The following RHOBTB1 variants were observed in gnomAD, a reference collection of about 807,000 sequenced individuals.
RHOBTB1 encodes the protein Rho related BTB domain containing 1.
A neutral mutation model predicts 71.6 loss-of-function variants in RHOBTB1; 40 were observed. The observed-to-expected ratio is 0.56, with a 90% CI of 0.43 to 0.73. RHOBTB1 has a LOEUF of 0.73. Ranked by LOEUF, RHOBTB1 falls within the 30% of genes least tolerant of loss-of-function variation. The pLI is 0.00. For synonymous variants in RHOBTB1, 319 were observed against 334.9 expected, an observed-to-expected ratio of 0.95 and a Z score of 0.52; for missense variants, 797 against 894.0, an observed-to-expected ratio of 0.89 and a Z score of 1.38.
chr10:60,986,933 AAGG>A (rs1345545147), intron 1 of RHOBTB1, among the ~76,000 whole-genome samples: 2 of 152,114 alleles, frequency 1.3e-5, no homozygotes, highest in African/African-American at 4.8e-5. Flanking sequence ...TCTCAACAGT[AAGG>A]AGGAGTTTCT....
intron 1 of RHOBTB1, among the ~76,000 whole-genome samples, chr10:60,991,918 T>G (rs1565209153): frequency 6.6e-6 from 1 of 152,200 alleles, no homozygotes; most frequent in South Asian, 2.1e-4. Flanking sequence ...TGTGTCATTC[T>G]TTTATTGTCT....
chr10:60,900,902 T>C (rs1481784381), intron 4 of RHOBTB1, among the ~76,000 whole-genome samples: 1 of 152,168 alleles, frequency 6.6e-6, no homozygotes. Context: ...CTCTAAAAAA[T>C]CTCTTTACCC....
intron 2 of RHOBTB1, among the ~76,000 whole-genome samples, chr10:60,979,370 A>G (rs1565181204): frequency 6.6e-6 from 1 of 152,180 alleles, no homozygotes; most frequent in Non-Finnish European, 1.5e-5. Flanking sequence ...ACCTAGTTAA[A>G]GTTTATCAAT....
intron 2 of RHOBTB1, among the ~76,000 whole-genome samples, chr10:60,938,676 C>T (rs879804908): frequency 3.3e-5 from 5 of 152,096 alleles, no homozygotes; most frequent in Admixed American, 6.5e-5. Flanking sequence ...TTCTATACTC[C>T]GACATCTGCA....
chr10:60,896,816 A>C (rs1336283041), intron 4 of RHOBTB1, among the ~76,000 whole-genome samples: 1 of 152,214 alleles, frequency 6.6e-6, no homozygotes, highest in East Asian at 1.9e-4. Context: ...CAAATCAAAA[A>C]CAATCTGAAA....
At chr10:60,949,205 C>T (rs2085333066) in intron 2 of RHOBTB1, among the ~76,000 whole-genome samples, 2 of 152,202 alleles carry the variant, frequency 1.3e-5, no homozygotes, top group Non-Finnish European at 2.9e-5. Context: ...AGATGCTTCT[C>T]CAAGGTGCTT....
chr10:60,931,937 C>G (rs1257093353), intron 2 of RHOBTB1, among the ~76,000 whole-genome samples: 1 of 152,112 alleles, frequency 6.6e-6, no homozygotes, highest in African/African-American at 2.4e-5. Flanking sequence ...AAAAGGAATA[C>G]TTATGGTAAC....
chr10:60,989,064 CA>C (rs776569882), intron 1 of RHOBTB1, among the ~76,000 whole-genome samples: 14 of 151,988 alleles, frequency 9.2e-5, no homozygotes, highest in Non-Finnish European at 1.6e-4. Flanking sequence ...TTTTTTCAGT[CA>C]AATATCACTG....
intron 2 of RHOBTB1, among the ~76,000 whole-genome samples, chr10:60,971,346 T>G (rs984000273): frequency 2.0e-5 from 3 of 151,284 alleles, no homozygotes; most frequent in Admixed American, 6.6e-5. Flanking sequence ...CCAAAACAGA[T>G]ATATAGACCA....
At chr10:60,930,136 G>C (rs1191263608) in intron 2 of RHOBTB1, among the ~76,000 whole-genome samples, 1 of 152,004 alleles carries the variant, frequency 6.6e-6, no homozygotes, top group Non-Finnish European at 1.5e-5. Flanking sequence ...TTTATAAATG[G>C]GAAATGTTTT....
At position 60,911,458 on chromosome 10, in the gene RHOBTB1, G is replaced by T. The variant is rs777754426; in HGVS notation, c.85C>A (p.Arg29Ser). ...TTGCACGCCCTGGCACAGATCAAGC[G>T]CGTCTTCCCCACGGCATTGTCACCC... The part of the protein sequence containing the change: ...VVGDNAVGKT[R>S]LICARACNTT... The change falls in exon 3 of 11, where the codon CGC becomes AGC. Residue 29 changes from arginine to serine, a missense_variant. Arg to Ser is a moderately radical substitution (Grantham distance 110, BLOSUM62 -1). Coordinates refer to ENST00000337910, the MANE Select transcript of RHOBTB1 (RefSeq NM_014836.5). 3 of 1,614,188 alleles carry T rather than the reference G, an allele frequency of 1.9e-6. No individual in the cohort carries two copies. The highest frequency in any genetic ancestry group is 2.5e-6 in the Non-Finnish European group (3 of 1,180,030).
intron 2 of RHOBTB1, among the ~76,000 whole-genome samples, chr10:60,936,915 T>C (rs543719172): frequency 3.3e-5 from 5 of 152,330 alleles, no homozygotes; most frequent in African/African-American, 7.2e-5. Flanking sequence ...AGCCACTTCA[T>C]AGCACTGGGA....
chr10:60,934,091 T>C (rs2084424245), intron 2 of RHOBTB1, among the ~76,000 whole-genome samples: 1 of 152,166 alleles, frequency 6.6e-6, no homozygotes, highest in Admixed American at 6.5e-5. Context: ...TAAAGAAATT[T>C]TACAAAAAAG....
Position 60,943,991 on chromosome 10 carries a change from GA to G in RHOBTB1, c.-83del, listed in dbSNP as rs895812881. Reference sequence around the variant, plus strand: ...CCTACCCTGAAGCCGAGCGAGACGCGAGCTCTCTCCGCCTTCAAGGGCCGGG... The same window carrying G: ...CCTACCCTGAAGCCGAGCGAGACGCGGCTCTCTCCGCCTTCAAGGGCCGGG... On this transcript the variant is annotated 5_prime_UTR_variant, in exon 1 of 11. Coordinates refer to ENST00000337910, the MANE Select transcript of RHOBTB1 (RefSeq NM_014836.5). 4.6e-5 allele frequency: 7 copies of G among 151,612 alleles called. No individual in the cohort carries two copies. Among genetic ancestry groups the G allele is most frequent in the African/African-American group, 1.7e-4 (7 of 41,316 alleles). The allele number at this position is 151,612 out of a possible 1,614,324, so 9.4% of individuals were successfully genotyped here.
At chr10:60,985,630 T>C (rs533775797) in intron 2 of RHOBTB1, among the ~76,000 whole-genome samples, 300 of 152,238 alleles carry the variant, frequency 2.0e-3, no homozygotes, top group South Asian at 3.5e-3. Flanking sequence ...TGACTCAAAT[T>C]CTAAACCAGA....
At chr10:60,995,459 G>A (rs948036644) in intron 1 of RHOBTB1, among the ~76,000 whole-genome samples, 3 of 152,092 alleles carry the variant, frequency 2.0e-5, no homozygotes, top group African/African-American at 7.2e-5. Flanking sequence ...GGGAAACCTG[G>A]CTGCTTTGCA....
chr10:60,991,234 A>T (rs2086853015), intron 1 of RHOBTB1, among the ~76,000 whole-genome samples: 1 of 152,072 alleles, frequency 6.6e-6, no homozygotes, highest in African/African-American at 2.4e-5. Context: ...TGATGTAACT[A>T]ACTACAGCAC....
At chr10:60,861,108 T>G in the RHOBTB1 span, among the ~76,000 whole-genome samples, 1 of 152,154 alleles carries the variant, frequency 6.6e-6, no homozygotes, top group Non-Finnish European at 1.5e-5. Flanking sequence ...AGCACACTGG[T>G]GGAAGAAATT....
At chr10:60,918,947 T>C (rs563519149) in intron 2 of RHOBTB1, among the ~76,000 whole-genome samples, 4 of 152,244 alleles carry the variant, frequency 2.6e-5, no homozygotes, top group African/African-American at 9.6e-5. Context: ...GGTTTCTCCA[T>C]GTTGATCAGG....
Sources: allele counts gnomAD v4.1 joint callset (sites outside exome capture counted in the v4.1 genomes callset), GRCh38; gene constraint gnomAD v4.1.1; transcripts MANE v1.5; gene names NCBI Gene and HGNC (gene_info 2026-07-23, HGNC 2026-07-21).